ROBO1: variants seen among roughly 807,000 people sequenced by gnomAD.
The protein encoded by ROBO1 is roundabout guidance receptor 1, also known as roundabout homolog 1.
Under a neutral mutation model 195.9 loss-of-function variants are expected in ROBO1, and 149 were observed. The ratio of observed to expected loss-of-function variants is 0.76; its 90% CI spans 0.67 to 0.87. The LOEUF (loss-of-function observed/expected upper bound fraction) is 0.87, where lower values mean the gene tolerates loss of function less well. Among genes scored for constraint, ROBO1 ranks in the 40% least tolerant of loss-of-function variants. The pLI is 0.00. For synonymous variants in ROBO1, 816 were observed against 733.2 expected, an observed-to-expected ratio of 1.11 and a Z score of -1.82; for missense variants, 1,933 against 2,068.3, an observed-to-expected ratio of 0.93 and a Z score of 1.27.
intron 2 of ROBO1, among the ~76,000 whole-genome samples, chr3:79,242,921 T>C (rs2082547815): frequency 6.6e-6 from 1 of 151,946 alleles, no homozygotes; most frequent in African/African-American, 2.4e-5. Context: ...CATGTTGGTG[T>C]GCTGCACCTA....
intron 3 of ROBO1, among the ~76,000 whole-genome samples, chr3:79,117,271 G>A (rs1351117680): frequency 6.6e-6 from 1 of 152,040 alleles, no homozygotes; most frequent in Non-Finnish European, 1.5e-5. Flanking sequence ...TTGGGAGGAT[G>A]AGGCAGGAAA....
Position 79,017,276 on chromosome 3 carries a change from A to ACTAT in ROBO1, c.173-78350_173-78349insATAG, listed in dbSNP as rs113238669. ...TTTCCCCCCTTTTCTTACTCTGTTA[A>ACTAT]CTGTCTTAAGTAAAATCCCTGGTCA... On this transcript the variant is annotated intron_variant, in intron 3 of 30. Coordinates refer to ENST00000464233, the MANE Select transcript of ROBO1 (RefSeq NM_002941.4). 9.7e-3 allele frequency among the ~76,000 whole-genome samples: 1,483 copies of ACTAT among 152,178 alleles called. 29 individuals are homozygous for ACTAT. The highest frequency in any genetic ancestry group is 0.033 in the African/African-American group (1,375 of 41,510).
chr3:79,298,123 A>T (rs910218035), intron 2 of ROBO1, among the ~76,000 whole-genome samples: 49 of 152,144 alleles, frequency 3.2e-4, no homozygotes, highest in Non-Finnish European at 5.6e-4. Context: ...TTTAAAAAAA[A>T]ATATCAGTTT....
chr3:79,422,909 C>T (rs767020464), intron 2 of ROBO1, among the ~76,000 whole-genome samples: 9 of 152,076 alleles, frequency 5.9e-5, no homozygotes, highest in Non-Finnish European at 2.9e-5. Context: ...ATTGCACTGT[C>T]TTGAACTCAA....
At chr3:78,810,802 A>G (rs1313444076) in intron 4 of ROBO1, among the ~76,000 whole-genome samples, 5 of 152,144 alleles carry the variant, frequency 3.3e-5, no homozygotes, top group Admixed American at 6.5e-5. Flanking sequence ...TTGCCTGGAG[A>G]TAAACACCTC....
At chr3:79,234,709 T>A (rs973448982) in intron 2 of ROBO1, among the ~76,000 whole-genome samples, 2 of 152,002 alleles carry the variant, frequency 1.3e-5, no homozygotes, top group Non-Finnish European at 2.9e-5. Context: ...CCTAAGCAAA[T>A]TAACACAGGA....
At chr3:78,968,700 C>G (rs2076701007) in intron 3 of ROBO1, among the ~76,000 whole-genome samples, 1 of 151,324 alleles carries the variant, frequency 6.6e-6, no homozygotes, top group Admixed American at 6.6e-5. Context: ...GGAGTTGTTT[C>G]TAGGTCAATT....
chr3:79,571,984 T>C (rs1943293493), intron 2 of ROBO1, among the ~76,000 whole-genome samples: 1 of 152,114 alleles, frequency 6.6e-6, no homozygotes, highest in African/African-American at 2.4e-5. Flanking sequence ...AAAAACACTA[T>C]TTAACATGGA....
chr3:79,371,168 G>A (rs1460367053), intron 2 of ROBO1, among the ~76,000 whole-genome samples: 2 of 152,076 alleles, frequency 1.3e-5, no homozygotes, highest in Non-Finnish European at 2.9e-5. Flanking sequence ...TGTCTTTATA[G>A]TAAAATGATT....
At chr3:78,976,136 A>G (rs1038693502) in intron 3 of ROBO1, among the ~76,000 whole-genome samples, 5 of 152,202 alleles carry the variant, frequency 3.3e-5, no homozygotes, top group African/African-American at 1.2e-4. Context: ...TGCAATACAC[A>G]TGTTAGAACT....
At chr3:79,288,335 C>T (rs1017941083) in intron 2 of ROBO1, among the ~76,000 whole-genome samples, 2 of 152,128 alleles carry the variant, frequency 1.3e-5, no homozygotes, top group Admixed American at 6.5e-5. Context: ...TATATCATAA[C>T]TCCCAATGTT....
intron 26 of ROBO1, among the ~76,000 whole-genome samples, chr3:78,620,881 A>ATGTGTGTGTGTGTGTG (rs778171914): frequency 7.3e-5 from 2 of 27,556 alleles, no homozygotes; most frequent in Non-Finnish European, 1.9e-4. Flanking sequence ...TTATATATAT[A>ATGTGTGTGTGTGTGTG]TATGTGTGTG....
At chr3:79,688,133 A>G (rs1432027228) in intron 1 of ROBO1, among the ~76,000 whole-genome samples, 1 of 147,654 alleles carries the variant, frequency 6.8e-6, no homozygotes, top group Non-Finnish European at 1.5e-5. Context: ...AAAACCAAAC[A>G]CCGCATGTTC....
rs555875787 is a variant in ROBO1, at chr3:79,122,438, AAT to A, written c.172+3016_172+3017del. ...AGAGATGGTAAGGAGAAAAGGAATCAATATGTTTCTTCCCTGATACTCTATTT... is the reference window on the plus strand; with the variant it reads ...AGAGATGGTAAGGAGAAAAGGAATCAATGTTTCTTCCCTGATACTCTATTT... On this transcript the variant is annotated intron_variant, in intron 3 of 30. Coordinates refer to ENST00000464233, the MANE Select transcript of ROBO1 (RefSeq NM_002941.4). 2.8e-3 allele frequency among the ~76,000 whole-genome samples: 428 copies of A among 152,176 alleles called. 2 individuals are homozygous for A. The highest frequency in any genetic ancestry group is 8.7e-3 in the Admixed American group (133 of 15,262).
At chr3:78,662,702 A>G (rs1304372087) in intron 14 of ROBO1, among the ~76,000 whole-genome samples, 1 of 152,202 alleles carries the variant, frequency 6.6e-6, no homozygotes, top group East Asian at 1.9e-4. Context: ...GTAAAATAAA[A>G]TAAAGCTGAT....
intron 3 of ROBO1, among the ~76,000 whole-genome samples, chr3:78,985,391 A>G (rs1442904893): frequency 1.3e-5 from 2 of 152,142 alleles, no homozygotes; most frequent in Non-Finnish European, 2.9e-5. Flanking sequence ...ATGTTAATTC[A>G]CTGTTTATGT....
intron 25 of ROBO1, among the ~76,000 whole-genome samples, chr3:78,628,200 C>T (rs898173260): frequency 6.6e-5 from 10 of 152,118 alleles, no homozygotes; most frequent in African/African-American, 2.4e-4. Context: ...GTGATCCATC[C>T]GCCTCAGCCT....
Position 78,615,691 on chromosome 3 carries a change from TACC to T in ROBO1, c.4283-894_4283-892del, listed in dbSNP as rs373710264. ...GTCACAAATCCAGAACTTTCTACTG[TACC>T]ACAAGAAACTTCAAATGGACCGCGA... On this transcript the variant is annotated intron_variant, in intron 27 of 30. Transcript: ENST00000464233. Among the ~76,000 whole-genome samples the T allele has an allele frequency of 3.7e-3, 560 of 152,310 alleles. 5 individuals carry two copies. The highest frequency in any genetic ancestry group is 0.013 in the African/African-American group (534 of 41,568).
intron 5 of ROBO1, among the ~76,000 whole-genome samples, chr3:78,737,001 A>G (rs1343235656): frequency 2.0e-5 from 3 of 152,190 alleles, no homozygotes; most frequent in African/African-American, 7.2e-5. Context: ...TGCATGGGAA[A>G]GAAGTTGATT....
Sources: allele counts gnomAD v4.1 joint callset (sites outside exome capture counted in the v4.1 genomes callset), GRCh38; gene constraint gnomAD v4.1.1; transcripts MANE v1.5; gene names NCBI Gene and HGNC (gene_info 2026-07-23, HGNC 2026-07-21).